Variants in SPATA19 observed in about 807,000 individuals in gnomAD.
SPATA19 encodes spermatogenesis-associated protein 19, mitochondrial.
SPATA19 carries 19 observed loss-of-function variants against 25.0 expected under a neutral mutation model. The ratio of observed to expected loss-of-function variants is 0.76; its 90% CI spans 0.53 to 1.11. SPATA19 has a LOEUF of 1.11. SPATA19 is among the 50% of genes most tolerant of loss of function. The pLI, the probability that SPATA19 is intolerant of heterozygous loss-of-function variation, is 0.00. For missense variants in SPATA19, 222 were observed against 211.4 expected (o/e 1.05, Z -0.31); for synonymous variants, 64 against 69.3 (o/e 0.92, Z 0.38).
At chr11:133,839,295 T>C (rs2853114), downstream of SPATA19, among the ~76,000 whole-genome samples, 48,744 of 151,928 alleles carry the variant, frequency 0.32, 8,975 homozygotes, top group East Asian at 0.6. Flanking sequence ...TGTCCAACAA[T>C]GATAGACTGG....
chr11:133,839,816 T>C (rs757762763), downstream of SPATA19, among the ~76,000 whole-genome samples: 6 of 152,056 alleles, frequency 3.9e-5, no homozygotes, highest in Admixed American at 6.5e-5. Context: ...GTGTCACATA[T>C]GTGTAACGGG....
Position 133,845,464 on chromosome 11 carries a change from GC to G in SPATA19, c.-19del, listed in dbSNP as rs938673460. On this transcript the variant is annotated 5_prime_UTR_variant, in exon 1 of 7. Transcript: ENST00000299140. ...ATTATCATCTTTGAATGTATACCAG[GC>G]CCCCTTCTTGGCTCCCTCCTTCCAT... 4 of 1,613,302 alleles carry G rather than the reference GC, an allele frequency of 2.5e-6. No individual in the cohort carries two copies. The highest frequency in any genetic ancestry group is 3.3e-5 in the Admixed American group (2 of 60,006).
intron 5 of SPATA19, 128 bp from the exon 6 acceptor site, chr11:133,842,233 G>T: frequency 1.1e-6 from 1 of 935,128 alleles, no homozygotes; most frequent in South Asian, 1.4e-5. Context: ...ACTGGGCCTG[G>T]GAGCACAGTC....
chr11:133,839,556 G>A (rs1168284942), downstream of SPATA19, among the ~76,000 whole-genome samples: 2 of 151,792 alleles, frequency 1.3e-5, no homozygotes, highest in Non-Finnish European at 2.9e-5. Context: ...GGGAGGGATA[G>A]CATTAGGAGA....
Position 133,840,715 on chromosome 11 carries a change from G to A in SPATA19, c.*218C>T, listed in dbSNP as rs1938286392. ...CTGTCGCATGAAGAGCTCACCTGCT[G>A]GAGTCTTTCTGCCCAGGTCTGGCCC... On this transcript the variant is annotated 3_prime_UTR_variant, in exon 7 of 7. Coordinates refer to ENST00000299140, the MANE Select transcript of SPATA19 (RefSeq NM_174927.3). 1 of 152,228 alleles carries A rather than the reference G, an allele frequency of 6.6e-6. No individual in the cohort carries two copies. The highest frequency in any genetic ancestry group is 1.5e-5 in the Non-Finnish European group (1 of 68,060). 9.4% of individuals were successfully genotyped at this position (152,228 alleles called of 1,614,324 possible). A position where few individuals can be genotyped will look rare whatever the true frequency, so the allele number is the denominator to read the frequency against.
intron 5 of SPATA19, among the ~76,000 whole-genome samples, 163 bp downstream of exon 5, chr11:133,842,322 G>A (rs552172512): frequency 2.0e-5 from 3 of 152,254 alleles, no homozygotes; most frequent in Non-Finnish European, 2.9e-5. Flanking sequence ...CTGTCATGTG[G>A]AGCACAGAAG....
At chr11:133,842,355 G>A in intron 5 of SPATA19, 130 bp downstream of exon 5, 2 of 806,264 alleles carry the variant, frequency 2.5e-6, no homozygotes, top group Non-Finnish European at 4.3e-6. Context: ...CCTGGGAACT[G>A]TGTGTCTCTG....
At chr11:133,836,157 C>A (rs1565394673), downstream of SPATA19, among the ~76,000 whole-genome samples, 1 of 152,190 alleles carries the variant, frequency 6.6e-6, no homozygotes, top group Non-Finnish European at 1.5e-5. Flanking sequence ...CCCATCTAGC[C>A]AGAATAGGTT....
chr11:133,843,514 G>A (rs1938354246), intron 4 of SPATA19, among the ~76,000 whole-genome samples: 1 of 152,180 alleles, frequency 6.6e-6, no homozygotes, highest in Non-Finnish European at 1.5e-5. Context: ...TTGAGAAATG[G>A]AGCCTCCTTG....
At chr11:133,839,066 C>G (rs1477842851), downstream of SPATA19, among the ~76,000 whole-genome samples, 1 of 152,182 alleles carries the variant, frequency 6.6e-6, no homozygotes, top group Non-Finnish European at 1.5e-5. Flanking sequence ...AATAGGAACA[C>G]TTTTACACTG....
chr11:133,840,115 A>T (rs1353688893), downstream of SPATA19, among the ~76,000 whole-genome samples: 2 of 152,200 alleles, frequency 1.3e-5, no homozygotes, highest in African/African-American at 4.8e-5. Flanking sequence ...CTCCTCGGTT[A>T]CCGTACAAGC....
At chr11:133,839,745 A>AAAAAG (rs1264158476), downstream of SPATA19, among the ~76,000 whole-genome samples, 1 of 152,174 alleles carries the variant, frequency 6.6e-6, no homozygotes, top group Non-Finnish European at 1.5e-5. Context: ...ACACAAAGAG[A>AAAAAG]AAAAGAAAAG....
chr11:133,845,254 C>G (rs947196097), intron 1 of SPATA19, 64 bp from the exon 2 acceptor site: 71 of 1,544,250 alleles, frequency 4.6e-5, no homozygotes, highest in Middle Eastern at 1.7e-4. Flanking sequence ...CCCACCCAGC[C>G]CCCGCAACTG....
At chr11:133,843,764 G>A (rs1938360898) in intron 4 of SPATA19, among the ~76,000 whole-genome samples, 1 of 152,196 alleles carries the variant, frequency 6.6e-6, no homozygotes, top group Non-Finnish European at 1.5e-5. Flanking sequence ...CTCAGCATCT[G>A]CAGAGCCACG....
intron 2 of SPATA19, 28 bp downstream of exon 2, chr11:133,845,106 T>G: frequency 6.2e-7 from 1 of 1,603,518 alleles, no homozygotes; most frequent in Non-Finnish European, 8.5e-7. Context: ...ATTTTGGATA[T>G]CCTGAGTCAT....
rs1000975124 is a variant in SPATA19 at position 133,842,625 on chromosome 11, G to A, written c.360-63C>T. The A allele has an allele frequency of 4.8e-6, 6 of 1,251,952 alleles. No individual in the cohort carries two copies. The African/African-American group carries it at 8.8e-5, about 18-fold the overall frequency. 77.6% of individuals were successfully genotyped at this position (1,251,952 alleles called of 1,614,324 possible). On this transcript the variant is annotated intron_variant, in intron 4 of 6. Coordinates refer to ENST00000299140, the MANE Select transcript of SPATA19 (RefSeq NM_174927.3). ...GAGTTTCTTTCTTAACAGGCATAGAGAGCTGCTAGAGATGGGATCCTGCAA... is the reference window on the plus strand; with the variant it reads ...GAGTTTCTTTCTTAACAGGCATAGAAAGCTGCTAGAGATGGGATCCTGCAA...
downstream of SPATA19, among the ~76,000 whole-genome samples, chr11:133,837,719 G>C (rs1938237227): frequency 6.6e-6 from 1 of 152,102 alleles, no homozygotes; most frequent in South Asian, 2.1e-4. Flanking sequence ...AGAGGGAAAG[G>C]CTCACTAAAC....
In SPATA19 at chr11:133,844,243, T is replaced by TA; in HGVS notation, c.359+2dup. ...TTCGCCCAGGGCAAGTGGGACACCT[T>TA]ACCTCCATCTTATGAACTGGATTCG... On this transcript the variant is annotated splice_region_variant and intron_variant, in intron 4 of 6. Transcript: ENST00000299140. The TA allele has an allele frequency of 6.2e-7, 1 of 1,613,840 alleles. No homozygotes were observed. The highest frequency in any genetic ancestry group is 8.5e-7 in the Non-Finnish European group (1 of 1,179,756).
At chr11:133,841,067 C>T (rs1938296131) in intron 6 of SPATA19, 144 bp from the exon 7 acceptor site, 2 of 152,170 alleles carry the variant, frequency 1.3e-5, no homozygotes, top group Admixed American at 1.3e-4. Flanking sequence ...GTAATATGAG[C>T]AAACAATTGA....
Sources: allele counts gnomAD v4.1 joint callset (sites outside exome capture counted in the v4.1 genomes callset), GRCh38; gene constraint gnomAD v4.1.1; transcripts MANE v1.5; gene names NCBI Gene and HGNC (gene_info 2026-07-23, HGNC 2026-07-21).